Variants in CTNNA3 observed in about 807,000 individuals in gnomAD.
The protein encoded by CTNNA3 is catenin alpha 3.
In CTNNA3, 76 loss-of-function variants were observed where a neutral mutation model predicts 95.7. That is an observed-to-expected ratio of 0.79 (90% CI 0.66 to 0.96). CTNNA3 has a LOEUF of 0.96. Ranked by LOEUF, CTNNA3 falls within the 40% of genes least tolerant of loss-of-function variation. The pLI, the probability that CTNNA3 is intolerant of heterozygous loss-of-function variation, is 0.00. For synonymous variants in CTNNA3, 431 were observed against 374.4 expected, an observed-to-expected ratio of 1.15 and a Z score of -1.74; for missense variants, 1,191 against 1,089.8, an observed-to-expected ratio of 1.09 and a Z score of -1.31.
At chr10:66,312,911 T>C (rs1437600200) in intron 12 of CTNNA3, among the ~76,000 whole-genome samples, 1 of 152,160 alleles carries the variant, frequency 6.6e-6, no homozygotes, top group Non-Finnish European at 1.5e-5. Flanking sequence ...GAACTAATGT[T>C]ACAGGTGGGA....
At chr10:66,062,978 T>C (rs1286182246) in intron 15 of CTNNA3, among the ~76,000 whole-genome samples, 1 of 152,010 alleles carries the variant, frequency 6.6e-6, no homozygotes, top group Non-Finnish European at 1.5e-5. Context: ...AGTAAGATAT[T>C]AATTCCTTTA....
At chr10:66,639,194 T>C (rs1444706491) in intron 9 of CTNNA3, among the ~76,000 whole-genome samples, 1 of 84,862 alleles carries the variant, frequency 1.2e-5, no homozygotes, top group Non-Finnish European at 2.2e-5. Flanking sequence ...GGTACATTAG[T>C]TGAACCATAG....
chr10:66,299,907 T>G (rs899318409), intron 12 of CTNNA3, among the ~76,000 whole-genome samples: 10 of 152,116 alleles, frequency 6.6e-5, no homozygotes, highest in Non-Finnish European at 1.2e-4. Flanking sequence ...TTTTTTCTTT[T>G]TTTGAGATGG....
chr10:67,583,267 C>A (rs1239757722), intron 3 of CTNNA3, among the ~76,000 whole-genome samples: 2 of 152,168 alleles, frequency 1.3e-5, no homozygotes, highest in Non-Finnish European at 2.9e-5. Context: ...GTGACAAAAT[C>A]TCTCAGCATT....
chr10:65,920,511 T>A lies in CTNNA3; in HGVS notation c.2507A>T (p.Gln836Leu). ...TGGGTGCCGGGGCCCAGCAGGACTCTGGATTCGGATGATCTTGGTTGAGGC... is the reference window on the plus strand; with the variant it reads ...TGGGTGCCGGGGCCCAGCAGGACTCAGGATTCGGATGATCTTGGTTGAGGC... ...YIASTKIIRIQSPAGPRHPVV... is the reference protein window; with the variant it reads ...YIASTKIIRILSPAGPRHPVV... Residue 836 changes from glutamine to leucine, a missense_variant, in exon 18 of 18, where the codon CAG becomes CTG. By Grantham distance (113) the Gln-to-Leu change is moderately radical. Coordinates refer to ENST00000433211, the MANE Select transcript of CTNNA3 (RefSeq NM_013266.4). 1 of 1,614,222 alleles carries A rather than the reference T, an allele frequency of 6.2e-7. No homozygotes were observed.
intron 12 of CTNNA3, among the ~76,000 whole-genome samples, chr10:66,332,723 A>G (rs1466995058): frequency 2.6e-5 from 4 of 152,088 alleles, no homozygotes; most frequent in Admixed American, 6.5e-5. Flanking sequence ...CTTTGGTATC[A>G]GGATGATGCT....
intron 9 of CTNNA3, among the ~76,000 whole-genome samples, chr10:66,693,261 G>C (rs2132545358): frequency 6.6e-6 from 1 of 151,846 alleles, no homozygotes; most frequent in South Asian, 2.1e-4. Context: ...AAAGGATGGA[G>C]GAAGATCTAT....
chr10:67,614,530 A>G (rs1470091688), intron 2 of CTNNA3, among the ~76,000 whole-genome samples: 1 of 152,162 alleles, frequency 6.6e-6, no homozygotes, highest in Non-Finnish European at 1.5e-5. Flanking sequence ...CTACGTCACA[A>G]TAAGGTTCAC....
rs144394854 is a variant in CTNNA3 at position 67,751,524 on chromosome 10, T to A, written c.-2+11910A>T. On this transcript the variant is annotated intron_variant, in intron 1 of 17. Coordinates refer to the CTNNA3 transcript ENST00000684154. ...TCTGCCAACACTGAGGATGTAAAGA[T>A]AAATAATAAAAAATAATGATCGTAA... is the stretch of plus-strand genomic sequence containing the variant. 2.0e-5 allele frequency among the ~76,000 whole-genome samples: 3 copies of A among 150,516 alleles called. No individual in the cohort carries two copies. In the East Asian group the frequency reaches 5.8e-4, roughly 29 times the overall value.
intron 7 of CTNNA3, among the ~76,000 whole-genome samples, chr10:66,897,154 A>G (rs1845528177): frequency 6.6e-6 from 1 of 152,172 alleles, no homozygotes; most frequent in Non-Finnish European, 1.5e-5. Flanking sequence ...AATGAGAAAT[A>G]TTACTAAATA....
intron 11 of CTNNA3, among the ~76,000 whole-genome samples, chr10:66,396,514 T>C (rs2132545766): frequency 6.6e-6 from 1 of 152,132 alleles, no homozygotes; most frequent in African/African-American, 2.4e-5. Flanking sequence ...AGTGACACCT[T>C]AGGCTTCTGA....
At chr10:66,379,061 A>G in intron 12 of CTNNA3, 91 bp downstream of exon 12, 1 of 1,120,240 alleles carries the variant, frequency 8.9e-7, no homozygotes, top group East Asian at 2.4e-5. Context: ...GAAGCAACAC[A>G]GACTAGAATC....
chr10:66,067,421 G>A (rs1341181284), intron 15 of CTNNA3, among the ~76,000 whole-genome samples: 2 of 152,110 alleles, frequency 1.3e-5, no homozygotes, highest in African/African-American at 4.8e-5. Context: ...TACCTTATTT[G>A]TCCCATCATA....
At chr10:67,264,908 CTA>C (rs759061368) in intron 5 of CTNNA3, among the ~76,000 whole-genome samples, 1 of 152,116 alleles carries the variant, frequency 6.6e-6, no homozygotes, top group Non-Finnish European at 1.5e-5. Flanking sequence ...CGAGAAAAGA[CTA>C]TGAAAAATCC....
At chr10:66,296,614 T>TAC (rs58065988) in intron 12 of CTNNA3, among the ~76,000 whole-genome samples, 45 of 150,542 alleles carry the variant, frequency 3.0e-4, no homozygotes, top group Admixed American at 2.2e-3. Context: ...TCTATATCTA[T>TAC]ACACACACAC....
intron 3 of CTNNA3, among the ~76,000 whole-genome samples, chr10:67,591,907 G>A (rs747719715): frequency 9.2e-5 from 14 of 151,722 alleles, no homozygotes; most frequent in Non-Finnish European, 1.9e-4. Flanking sequence ...ACAGCAACAG[G>A]AGACAAATTC....
At chr10:66,246,237 G>A (rs980729241) in intron 13 of CTNNA3, among the ~76,000 whole-genome samples, 1 of 152,186 alleles carries the variant, frequency 6.6e-6, no homozygotes, top group Non-Finnish European at 1.5e-5. Context: ...TCCTGAGAGG[G>A]CAGGGGGGCC....
At chr10:66,849,794 T>A (rs935436678) in intron 7 of CTNNA3, among the ~76,000 whole-genome samples, 1 of 152,174 alleles carries the variant, frequency 6.6e-6, no homozygotes, top group Non-Finnish European at 1.5e-5. Flanking sequence ...GAGGAAAAGA[T>A]AGCTGTTGTC....
At chr10:65,974,367 A>C (rs1351956000) in intron 16 of CTNNA3, among the ~76,000 whole-genome samples, 3 of 152,206 alleles carry the variant, frequency 2.0e-5, no homozygotes. Context: ...TGGATTGAAT[A>C]AATAAAATGG....
Sources: gnomAD v4.1 joint callset for allele counts (sites outside exome capture counted in the v4.1 genomes callset) on GRCh38, gnomAD v4.1.1 for gene constraint, MANE v1.5 for transcripts, NCBI Gene and HGNC (gene_info 2026-07-23, HGNC 2026-07-21) for gene names.